The following CENPS variants were observed in gnomAD, a reference collection of about 807,000 sequenced individuals.
The protein encoded by CENPS is centromere protein S, also known as FANCM associated histone fold protein 1.
In CENPS, 16 loss-of-function variants were observed where a neutral mutation model predicts 17.9. The observed-to-expected ratio is 0.90, with a 90% CI of 0.61 to 1.36. CENPS has a LOEUF of 1.36. CENPS is among the 40% of genes most tolerant of loss of function. The pLI is 0.00. For missense variants in CENPS, 160 were observed against 158.6 expected, an observed-to-expected ratio of 1.01 and a Z score of -0.05; for synonymous variants, 49 against 55.8, an observed-to-expected ratio of 0.88 and a Z score of 0.54.
At chr1:10,435,803 C>A (rs1337568697) in intron 3 of CENPS, among the ~76,000 whole-genome samples, 1 of 151,762 alleles carries the variant, frequency 6.6e-6, no homozygotes, top group African/African-American at 2.4e-5. Flanking sequence ...TCTTGAACTC[C>A]TGTGCTCAAG....
intron 4 of CENPS, among the ~76,000 whole-genome samples, chr1:10,441,245 C>A (rs1019734122): frequency 4.7e-5 from 7 of 149,544 alleles, no homozygotes; most frequent in Admixed American, 4.0e-4. Flanking sequence ...TGGTCTTGAA[C>A]TCCTGGGCTC....
chr1:10,440,029 C>A (rs990688832), intron 3 of CENPS: 1 of 346,524 alleles, frequency 2.9e-6, no homozygotes, highest in Non-Finnish European at 5.2e-6. Context: ...TTTTCTGTGG[C>A]CTTAGCTGTG....
chr1:10,435,451 C>T (rs1307485), intron 3 of CENPS, among the ~76,000 whole-genome samples: 75,119 of 151,254 alleles, frequency 0.5, 18,779 homozygotes, highest in South Asian at 0.58. Context: ...AGTGGGTTCT[C>T]GGAGGGCAAG....
intron 3 of CENPS, chr1:10,440,071 GC>G (rs35977711): frequency 4.4e-6 from 2 of 452,464 alleles, no homozygotes; most frequent in Non-Finnish European, 7.8e-6. Context: ...AGGGCGCTAA[GC>G]CCCCAGCCTC....
intron 1 of CENPS, chr1:10,431,320 A>G (rs762561974): frequency 2.6e-6 from 4 of 1,535,136 alleles, no homozygotes; most frequent in Non-Finnish European, 3.5e-6. Context: ...TTTCCTCTCT[A>G]CAAAGTTACA....
intron 4 of CENPS, among the ~76,000 whole-genome samples, 169 bp downstream of exon 4, chr1:10,440,582 G>A (rs573531321): frequency 3.9e-5 from 6 of 152,276 alleles, no homozygotes; most frequent in African/African-American, 1.4e-4. Flanking sequence ...TCATTATGAT[G>A]GATCTTGCTA....
At position 10,440,392 on chromosome 1, in the gene CENPS, A is replaced by G; in HGVS notation, c.255A>G (p.Leu85=). The G allele has an allele frequency of 1.2e-6, 2 of 1,614,094 alleles. No individual in the cohort carries two copies. The highest frequency in any genetic ancestry group is 1.7e-6 in the Non-Finnish European group (2 of 1,180,002). ...TTINTEDVKL[L]ARRSNSLLKY... ...TTAACACTGAAGATGTGAAGCTCTTAGCCAGGAGGAGTAATTCACTGGTGA... is the reference window on the plus strand; with the variant it reads ...TTAACACTGAAGATGTGAAGCTCTTGGCCAGGAGGAGTAATTCACTGGTGA... The change falls in exon 4 of 5, where the codon TTA becomes TTG. Residue 85 remains leucine (L), a synonymous_variant. Transcript: ENST00000309048.
chr1:10,437,445 GT>G (rs371622694), intron 3 of CENPS, among the ~76,000 whole-genome samples: 211 of 132,798 alleles, frequency 1.6e-3, no homozygotes, highest in African/African-American at 5.4e-3. Context: ...AGCAGGGGCT[GT>G]TTTTTTTTTG....
intron 1 of CENPS, 114 bp downstream of exon 1, chr1:10,430,682 C>T (rs985912198): frequency 8.4e-6 from 12 of 1,427,790 alleles, no homozygotes; most frequent in African/African-American, 4.9e-5. Flanking sequence ...CCCCGGGCGC[C>T]CCCCGCGGCT....
At chr1:10,437,788 A>G (rs1179511049) in intron 3 of CENPS, among the ~76,000 whole-genome samples, 3 of 133,578 alleles carry the variant, frequency 2.2e-5, no homozygotes, top group Non-Finnish European at 4.7e-5. Context: ...TTTTTGAGAC[A>G]GAGTCTCTCT....
chr1:10,431,759 CA>C (rs1469411446), intron 1 of CENPS, among the ~76,000 whole-genome samples: 1 of 150,236 alleles, frequency 6.7e-6, no homozygotes, highest in African/African-American at 2.5e-5. Flanking sequence ...GACGTTGAGG[CA>C]GGGGAATCGC....
intron 1 of CENPS, chr1:10,430,900 G>A: frequency 7.8e-7 from 1 of 1,277,160 alleles, no homozygotes; most frequent in Non-Finnish European, 9.9e-7. Context: ...AGGGTACAAC[G>A]TCGGCATTAG....
chr1:10,442,187 G>GT lies in CENPS; in HGVS notation c.277-75dup. On this transcript the variant is annotated intron_variant, in intron 4 of 4. Transcript: ENST00000309048. ...TTTGAGTCAGAGGTGGTTGTGGAGG[G>GT]TTTAGTTTCGTTTGTTTGTTTATTT... 3.3e-6 allele frequency: 5 copies of GT among 1,511,944 alleles called. No individual in the cohort carries two copies. The South Asian group carries it at 4.0e-5, about 12-fold the overall frequency. The allele number at this position is 1,511,944 out of a possible 1,614,324, so 93.7% of individuals were successfully genotyped here.
At chr1:10,437,758 ATTTTTTTTT>A (rs59257602) in intron 3 of CENPS, among the ~76,000 whole-genome samples, 37,304 of 123,246 alleles carry the variant, frequency 0.3, 5,120 homozygotes, top group South Asian at 0.44. Context: ...TGCCTGGCCA[ATTTTTTTTT>A]TTTTTTTTTT....
At chr1:10,431,485 C>T in intron 1 of CENPS, 1 of 1,424,432 alleles carries the variant, frequency 7.0e-7, no homozygotes, top group South Asian at 1.2e-5. Context: ...CCCTCCCAGC[C>T]CCGCGATTGG....
At chr1:10,441,620 C>CTTTTTTTTTTTT (rs34369229) in intron 4 of CENPS, among the ~76,000 whole-genome samples, 1 of 48,330 alleles carries the variant, frequency 2.1e-5, no homozygotes, top group Non-Finnish European at 3.6e-5. Flanking sequence ...GGCTACAACT[C>CTTTTTTTTTTTT]TTTTTTTTTT....
chr1:10,440,454 G>T (rs1472027398), intron 4 of CENPS, 41 bp downstream of exon 4: 1 of 1,607,970 alleles, frequency 6.2e-7, no homozygotes, highest in Non-Finnish European at 8.5e-7. Flanking sequence ...TTTCCCATCG[G>T]AATACATTAT....
rs139537414 is a variant in CENPS, at chr1:10,435,288, G to A, written c.209+598G>A. On this transcript the variant is annotated intron_variant, in intron 3 of 4. Coordinates refer to ENST00000309048, the MANE Select transcript of CENPS (RefSeq NM_199294.3). ...AACAATTGCACCAAATTGCTTTTAT[G>A]AAGCAATTTGAATGACGAAGGCCTG... is the stretch of plus-strand genomic sequence containing the variant. Among the ~76,000 whole-genome samples the A allele has an allele frequency of 4.2e-3, 644 of 152,284 alleles. 8 individuals are homozygous for A. Among genetic ancestry groups the A allele is most frequent in the African/African-American group, 0.015 (612 of 41,542 alleles).
rs555544691 is a variant in CENPS at position 10,434,803 on chromosome 1, T to G, written c.209+113T>G. 3.6e-6 allele frequency: 5 copies of G among 1,390,398 alleles called. No individual in the cohort carries two copies. In the East Asian group the frequency reaches 1.3e-4, roughly 37 times the overall value. 86.1% of individuals were successfully genotyped at this position (1,390,398 alleles called of 1,614,324 possible). A position where few individuals can be genotyped will look rare whatever the true frequency, so the allele number is the denominator to read the frequency against. Reference sequence around the variant, plus strand: ...GCTATTCAGTTTTCCGTGTGTTTTGTGGAGGCTTGTCTCTAATCATGGTTC... The same window carrying G: ...GCTATTCAGTTTTCCGTGTGTTTTGGGGAGGCTTGTCTCTAATCATGGTTC... On this transcript the variant is annotated intron_variant, in intron 3 of 4. Coordinates refer to ENST00000309048, the MANE Select transcript of CENPS (RefSeq NM_199294.3).
Sources: allele counts gnomAD v4.1 joint callset (sites outside exome capture counted in the v4.1 genomes callset), GRCh38; gene constraint gnomAD v4.1.1; transcripts MANE v1.5; gene names NCBI Gene and HGNC (gene_info 2026-07-23, HGNC 2026-07-21).